Variants in OCEL1 observed in about 807,000 individuals in gnomAD.
The protein encoded by OCEL1 is occludin/ELL domain-containing protein 1.
In OCEL1, 24 loss-of-function variants were observed where a neutral mutation model predicts 29.4. That is an observed-to-expected ratio of 0.82 (90% confidence interval 0.59 to 1.15). OCEL1 has a LOEUF of 1.15. Among genes scored for constraint, OCEL1 ranks in the 50% most tolerant of loss-of-function variants. The pLI, the probability that OCEL1 is intolerant of heterozygous loss-of-function variation, is 0.00. For missense variants in OCEL1, 402 were observed against 352.5 expected, an observed-to-expected ratio of 1.14 and a Z score of -1.13; for synonymous variants, 172 against 145.3, an observed-to-expected ratio of 1.18 and a Z score of -1.32.
At position 17,226,401 on chromosome 19, in the gene OCEL1, C is replaced by A; in HGVS notation, c.69+85C>A. Reference sequence around the variant, plus strand: ...CTCCTCGGGCGCGGTCGTCTGTGGGCTCTGCGCGCCCTGGAGGTCGAGGCT... The same window carrying A: ...CTCCTCGGGCGCGGTCGTCTGTGGGATCTGCGCGCCCTGGAGGTCGAGGCT... On this transcript the variant is annotated intron_variant, in intron 1 of 5. Transcript: ENST00000215061. The A allele has an allele frequency of 2.7e-6, 4 of 1,491,330 alleles. No homozygotes were observed. The South Asian group carries it at 3.6e-5, about 13-fold the overall frequency. 92.4% of individuals were successfully genotyped at this position (1,491,330 alleles called of 1,614,324 possible).
chr19:17,228,698 C>T (rs923087838), intron 5 of OCEL1, 105 bp from the exon 6 acceptor site: 40 of 1,496,330 alleles, frequency 2.7e-5, no homozygotes, highest in Non-Finnish European at 3.3e-5. Context: ...TGCCCAGTTT[C>T]AAGGAGAGAA....
At chr19:17,228,361 G>C in intron 5 of OCEL1, 52 bp downstream of exon 5, 1 of 1,555,864 alleles carries the variant, frequency 6.4e-7, no homozygotes, top group East Asian at 2.2e-5. Context: ...CTTCTGTGAG[G>C]CTGGGGTGCC....
At position 17,226,423 on chromosome 19, in the gene OCEL1, G is replaced by T. The variant is rs1294420723; in HGVS notation, c.69+107G>T. 8.3e-6 allele frequency: 11 copies of T among 1,318,810 alleles called. No individual in the cohort carries two copies. The Admixed American group carries it at 2.4e-4, about 29-fold the overall frequency. The allele number at this position is 1,318,810 out of a possible 1,614,324, so 81.7% of individuals were successfully genotyped here. A position where few individuals can be genotyped will look rare whatever the true frequency, so the allele number is the denominator to read the frequency against. ...GGGCTCTGCGCGCCCTGGAGGTCGA[G>T]GCTCCGGCAGCGCGGGGGTTAACTC... On this transcript the variant is annotated intron_variant, in intron 1 of 5. Coordinates refer to ENST00000215061, the MANE Select transcript of OCEL1 (RefSeq NM_024578.3).
At position 17,229,167 on chromosome 19, in the gene OCEL1, G is replaced by T; in HGVS notation, c.*242G>T. 1 of 373,786 alleles carries T rather than the reference G, an allele frequency of 2.7e-6. No homozygotes were observed. Among genetic ancestry groups the T allele is most frequent in the South Asian group, 3.7e-5 (1 of 26,728 alleles). 23.2% of individuals were successfully genotyped at this position (373,786 alleles called of 1,614,324 possible). A position where few individuals can be genotyped will look rare whatever the true frequency, so the allele number is the denominator to read the frequency against. ...GACTCCAGATCTCAACCTGTTCCCT[G>T]GAAGTAGGGCCTGCTCTCCATCCCA... On this transcript the variant is annotated 3_prime_UTR_variant, in exon 6 of 6. Coordinates refer to ENST00000215061, the MANE Select transcript of OCEL1 (RefSeq NM_024578.3).
At chr19:17,226,556 C>G (rs2073361217) in intron 1 of OCEL1, 137 bp from the exon 2 acceptor site, 3 of 1,021,986 alleles carry the variant, frequency 2.9e-6, no homozygotes, top group Non-Finnish European at 4.1e-6. Context: ...CAATCGCGTG[C>G]GTCTATGCAA....
intron 3 of OCEL1, 42 bp from the exon 4 acceptor site, chr19:17,227,798 G>A: frequency 6.3e-7 from 1 of 1,591,810 alleles, no homozygotes; most frequent in East Asian, 2.3e-5. Flanking sequence ...GGAAAGAGTG[G>A]GGTTCTTTAC....
intron 3 of OCEL1, 142 bp from the exon 4 acceptor site, chr19:17,227,698 A>G: frequency 1.3e-6 from 1 of 777,024 alleles, no homozygotes; most frequent in Non-Finnish European, 1.9e-6. Context: ...CTCAAAAAAT[A>G]ATAATAAATA....
chr19:17,229,040 T>G lies in OCEL1; in HGVS notation c.*115T>G. 7.9e-7 allele frequency: 1 copy of G among 1,261,482 alleles called. No individual in the cohort carries two copies. Among genetic ancestry groups the G allele is most frequent in the Middle Eastern group, 2.6e-4 (1 of 3,802 alleles). The allele number at this position is 1,261,482 out of a possible 1,614,324, so 78.1% of individuals were successfully genotyped here. On this transcript the variant is annotated 3_prime_UTR_variant, in exon 6 of 6. Transcript: ENST00000215061. ...CTACCAGGGGTCGCTTTCTCCTGGA[T>G]TGCAAATGCCTCTTCAGTTTGGACT...
intron 1 of OCEL1, 159 bp from the exon 2 acceptor site, chr19:17,226,534 G>A: frequency 1.1e-6 from 1 of 938,134 alleles, no homozygotes; most frequent in South Asian, 1.7e-5. Flanking sequence ...GGGTCTGGAC[G>A]TCGCTGCGGA....
chr19:17,226,747 C>T lies in OCEL1; in HGVS notation c.124C>T (p.Arg42Cys). ...RAGHDAPRRT[R>C]PSARKPLSCF... ...GGGACACGACGCCCCCCGCAGGACC[C>T]GCCCATCAGCCCGGAAACCCCTGAG... Residue 42 changes from arginine (R) to cysteine (C), a missense_variant, in exon 2 of 6, where the codon CGC becomes TGC. Coordinates refer to ENST00000215061, the MANE Select transcript of OCEL1 (RefSeq NM_024578.3). 1.9e-6 allele frequency: 3 copies of T among 1,575,140 alleles called. No homozygotes were observed. The highest frequency in any genetic ancestry group is 2.6e-6 in the Non-Finnish European group (3 of 1,166,654).
At position 17,228,113 on chromosome 19, in the gene OCEL1, T is replaced by TTGGCTGGGC. The variant is rs1462244479; in HGVS notation, c.618+109_618+117dup. 10 of 1,542,932 alleles carry TTGGCTGGGC rather than the reference T, an allele frequency of 6.5e-6. No individual in the cohort carries two copies. The African/African-American group carries it at 1.2e-4, about 19-fold the overall frequency. On this transcript the variant is annotated intron_variant, in intron 4 of 5. Transcript: ENST00000215061. ...TTTCCAGGACTCTTTCTCCTCTCGG[T>TTGGCTGGGC]TGGCTGGGCGCCGTGACACATGGCT...
intron 1 of OCEL1, 55 bp downstream of exon 1, chr19:17,226,371 A>G (rs905420329): frequency 6.3e-7 from 1 of 1,583,374 alleles, no homozygotes; most frequent in African/African-American, 1.3e-5. Context: ...GGAGGTCCCG[A>G]GGAGCTCCTC....
In OCEL1 at chr19:17,226,397, T is replaced by A. The variant is rs531263316; in HGVS notation, c.69+81T>A. ...GGAGCTCCTCGGGCGCGGTCGTCTG[T>A]GGGCTCTGCGCGCCCTGGAGGTCGA... On this transcript the variant is annotated intron_variant, in intron 1 of 5. Coordinates refer to ENST00000215061, the MANE Select transcript of OCEL1 (RefSeq NM_024578.3). The A allele has an allele frequency of 5.2e-5, 79 of 1,513,298 alleles. No individual in the cohort carries two copies. In the Middle Eastern group the frequency reaches 7.7e-4, roughly 15 times the overall value. The allele number at this position is 1,513,298 out of a possible 1,614,324, so 93.7% of individuals were successfully genotyped here.
chr19:17,228,402 T>TC, intron 5 of OCEL1, 93 bp downstream of exon 5: 1 of 1,335,880 alleles, frequency 7.5e-7, no homozygotes, highest in Non-Finnish European at 1.1e-6. Flanking sequence ...TTTCTTTCTT[T>TC]TGAGACAGAA....
chr19:17,226,526 G>A lies in OCEL1; in HGVS notation c.70-167G>A, dbSNP rs1000584507. 5.0e-5 allele frequency: 45 copies of A among 907,730 alleles called. No individual in the cohort carries two copies. In the Admixed American group the frequency reaches 1.2e-3, roughly 25 times the overall value. 56.2% of individuals were successfully genotyped at this position (907,730 alleles called of 1,614,324 possible). A position where few individuals can be genotyped will look rare whatever the true frequency, so the allele number is the denominator to read the frequency against. On this transcript the variant is annotated intron_variant, in intron 1 of 5. Coordinates refer to ENST00000215061, the MANE Select transcript of OCEL1 (RefSeq NM_024578.3). ...TTTGGGTTGCGCAGTCGTGGGCGGG[G>A]TCTGGACGTCGCTGCGGACCAATCG...
intron 4 of OCEL1, 56 bp from the exon 5 acceptor site, chr19:17,228,200 C>A: frequency 6.3e-7 from 1 of 1,599,614 alleles, no homozygotes; most frequent in South Asian, 1.1e-5. Context: ...TCAGTTTCTT[C>A]ATCCCTTCTT....
At chr19:17,226,580 T>A in intron 1 of OCEL1, 113 bp from the exon 2 acceptor site, 3 of 1,202,672 alleles carry the variant, frequency 2.5e-6, no homozygotes, top group Non-Finnish European at 3.4e-6. Context: ...GCGGTCGTTC[T>A]GGGGAACTCT....
chr19:17,228,314 G>A lies in OCEL1; in HGVS notation c.672+5G>A. 1 of 1,613,986 alleles carries A rather than the reference G, an allele frequency of 6.2e-7. No homozygotes were observed. The highest frequency in any genetic ancestry group is 1.3e-5 in the African/African-American group (1 of 75,032). ...GAGTTTGAGATGAAGCGAATGGTGA[G>A]TCTTGCATCCCACAGCTTGGTCTTG... is the stretch of plus-strand genomic sequence containing the variant. On this transcript the variant is annotated splice_donor_5th_base_variant and intron_variant, in intron 5 of 5. Transcript: ENST00000215061.
chr19:17,226,958 C>A, intron 2 of OCEL1, 36 bp from the exon 3 acceptor site: 2 of 1,544,456 alleles, frequency 1.3e-6, no homozygotes, highest in African/African-American at 2.8e-5. Flanking sequence ...TTTCCCGACA[C>A]CCCGATTTAA....
Sources: allele counts gnomAD v4.1 joint callset, GRCh38; gene constraint gnomAD v4.1.1; transcripts MANE v1.5; gene names NCBI Gene and HGNC (gene_info 2026-07-23, HGNC 2026-07-21).